The following UQCRC2 variants were observed in gnomAD, a reference collection of about 807,000 sequenced individuals.
The protein encoded by UQCRC2 is ubiquinol-cytochrome c reductase core protein 2.
Under a neutral mutation model 55.6 loss-of-function variants are expected in UQCRC2, and 49 were observed. The observed-to-expected ratio is 0.88, with a 90% CI of 0.70 to 1.12. The LOEUF is 1.12. Ranked by LOEUF, UQCRC2 falls within the 50% of genes most tolerant of loss-of-function variation. UQCRC2 has a pLI of 0.00. For synonymous variants in UQCRC2, 193 were observed against 192.0 expected (o/e 1.01, Z -0.04); for missense variants, 506 against 547.8 (o/e 0.92, Z 0.76).
intron 1 of UQCRC2, among the ~76,000 whole-genome samples, chr16:21,955,986 C>A (rs8049791): frequency 2.6e-5 from 4 of 151,950 alleles, no homozygotes; most frequent in Admixed American, 2.6e-4. Flanking sequence ...TCACCACGCC[C>A]CGCTTATTTT....
rs1409282839 is a variant in UQCRC2 at position 21,973,889 on chromosome 16, C to T, written c.967-7C>T. 11 of 1,612,140 alleles carry T rather than the reference C, an allele frequency of 6.8e-6. No individual in the cohort carries two copies. Among genetic ancestry groups the T allele is most frequent in the Non-Finnish European group, 6.8e-6 (8 of 1,178,984 alleles). On this transcript the variant is annotated splice_polypyrimidine_tract_variant and splice_region_variant and intron_variant, in intron 10 of 13. Transcript: ENST00000268379. ...ATATCATACAGTAAAGTCTCATTAT[C>T]TTTCAGGTTTCTGCATTTAATGCCA...
chr16:21,971,655 G>A (rs192560484), intron 9 of UQCRC2, 35 bp downstream of exon 9: 1 of 1,598,380 alleles, frequency 6.3e-7, no homozygotes, highest in African/African-American at 1.3e-5. Context: ...TAATTTATCA[G>A]AAGGGCGTTT....
intron 12 of UQCRC2, chr16:21,980,264 A>T: frequency 3.0e-6 from 1 of 329,852 alleles, no homozygotes; most frequent in Non-Finnish European, 5.7e-6. Flanking sequence ...CAGCTGTCTC[A>T]CTCAAATCTG....
At chr16:21,980,478 C>T (rs906450250) in intron 12 of UQCRC2, 69 bp from the exon 13 acceptor site, 14 of 1,545,072 alleles carry the variant, frequency 9.1e-6, no homozygotes, top group African/African-American at 8.3e-5. Context: ...CACAGCCCCC[C>T]GCCACCACTC....
At chr16:21,960,644 T>C (rs1488252216) in intron 4 of UQCRC2, among the ~76,000 whole-genome samples, 1 of 152,174 alleles carries the variant, frequency 6.6e-6, no homozygotes, top group South Asian at 2.1e-4. Flanking sequence ...TTCTAGCTTC[T>C]GATTTAAAGT....
intron 13 of UQCRC2, among the ~76,000 whole-genome samples, chr16:21,982,309 A>C (rs1251782462): frequency 6.6e-6 from 1 of 152,126 alleles, no homozygotes; most frequent in Non-Finnish European, 1.5e-5. Context: ...ACTACACTTA[A>C]CCAGCCTTTG....
intron 6 of UQCRC2, among the ~76,000 whole-genome samples, chr16:21,963,542 C>T (rs1898254382): frequency 6.6e-6 from 1 of 152,098 alleles, no homozygotes; most frequent in Non-Finnish European, 1.5e-5. Context: ...AATCTCACTG[C>T]AGCCTGAACC....
intron 3 of UQCRC2, 147 bp from the exon 4 acceptor site, chr16:21,958,388 C>T: frequency 2.8e-6 from 2 of 712,696 alleles, no homozygotes; most frequent in Non-Finnish European, 4.8e-6. Flanking sequence ...TTTTGTTGAG[C>T]CTTGTTTTAT....
At chr16:21,972,167 C>T (rs1451999430) in intron 10 of UQCRC2, 45 bp downstream of exon 10, 5 of 1,565,500 alleles carry the variant, frequency 3.2e-6, no homozygotes, top group Non-Finnish European at 4.3e-6. Context: ...TTCAAAGGCT[C>T]AGTATTTAAG....
intron 1 of UQCRC2, among the ~76,000 whole-genome samples, chr16:21,955,038 G>A (rs1240627470): frequency 1.6e-5 from 2 of 122,336 alleles, no homozygotes; most frequent in Non-Finnish European, 3.2e-5. Context: ...CTAGACGACA[G>A]AGCGAGACTC....
intron 4 of UQCRC2, chr16:21,959,779 TC>T (rs1260985122): frequency 1.3e-5 from 2 of 152,228 alleles, no homozygotes; most frequent in Non-Finnish European, 2.9e-5. Context: ...TACTCCTTGA[TC>T]CATGGGGTGC....
chr16:21,953,569 C>T (rs912187497), intron 1 of UQCRC2, 113 bp downstream of exon 1: 3 of 1,358,526 alleles, frequency 2.2e-6, no homozygotes, highest in Middle Eastern at 2.5e-4. Context: ...GTCTGCCCTT[C>T]AGCTGAACCC....
intron 13 of UQCRC2, 73 bp from the exon 14 acceptor site, chr16:21,983,015 A>AAAATAAGT: frequency 7.0e-7 from 1 of 1,429,566 alleles, no homozygotes. Flanking sequence ...TTGAAATGAC[A>AAAATAAGT]AAATAAGTTC....
In UQCRC2 at chr16:21,973,911, G is replaced by A; in HGVS notation, c.982G>A (p.Ala328Thr). The change falls in exon 11 of 14, where the codon GCC (alanine) becomes ACC (threonine). Residue 328 changes from alanine (A) to threonine (T), a missense_variant. Ala to Thr is a moderately conservative substitution (Grantham distance 58). Coordinates refer to ENST00000268379, the MANE Select transcript of UQCRC2 (RefSeq NM_003366.4). The part of the protein sequence containing the change: ...QQPFDVSAFN[A>T]SYSDSGLFGI... ...TATCTTTCAGGTTTCTGCATTTAAT[G>A]CCAGTTACTCAGATTCTGGACTCTT... 3.1e-6 allele frequency: 5 copies of A among 1,612,820 alleles called. No homozygotes were observed. Among genetic ancestry groups the A allele is most frequent in the Non-Finnish European group, 3.4e-6 (4 of 1,179,518 alleles).
chr16:21,982,945 C>G, intron 13 of UQCRC2, 143 bp from the exon 14 acceptor site: 1 of 716,100 alleles, frequency 1.4e-6, no homozygotes, highest in Non-Finnish European at 2.2e-6. Context: ...CACTGGGTGA[C>G]AGAGCGAGAC....
intron 11 of UQCRC2, among the ~76,000 whole-genome samples, chr16:21,975,039 A>G (rs960935480): frequency 2.0e-5 from 3 of 152,240 alleles, no homozygotes; most frequent in Non-Finnish European, 2.9e-5. Context: ...ACAAATTCAT[A>G]GTACAGTCAG....
chr16:21,968,333 G>C (rs1898377015), intron 7 of UQCRC2: 2 of 204,376 alleles, frequency 9.8e-6, no homozygotes, highest in Non-Finnish European at 1.9e-5. Context: ...TAACAGCTTT[G>C]TTGAGATGTA....
Position 21,973,967 on chromosome 16 carries a change from T to G in UQCRC2, c.1038T>G (p.Ala346=), listed in dbSNP as rs1009260590. 3 of 1,607,932 alleles carry G rather than the reference T, an allele frequency of 1.9e-6. No homozygotes were observed. The highest frequency in any genetic ancestry group is 2.5e-6 in the Non-Finnish European group (3 of 1,178,604). Residue 346 remains alanine (A), a synonymous_variant, in exon 11 of 14, where the codon GCT becomes GCG. Coordinates refer to ENST00000268379, the MANE Select transcript of UQCRC2 (RefSeq NM_003366.4). ...FGIYTISQAT[A]AGDVIKAAYN... is the part of the protein sequence containing the mutation. Reference sequence around the variant, plus strand: ...TTTATACTATCTCCCAGGCCACAGCTGCTGGAGATGTAAGTTGCAAACTCA... The same window carrying G: ...TTTATACTATCTCCCAGGCCACAGCGGCTGGAGATGTAAGTTGCAAACTCA...
chr16:21,958,666 C>G (rs2141927595), intron 4 of UQCRC2, 67 bp downstream of exon 4: 1 of 1,408,516 alleles, frequency 7.1e-7, no homozygotes. Flanking sequence ...GGGAACTTTT[C>G]TCTGTTATCA....
Sources: allele counts gnomAD v4.1 joint callset (sites outside exome capture counted in the v4.1 genomes callset), GRCh38; gene constraint gnomAD v4.1.1; transcripts MANE v1.5; gene names NCBI Gene and HGNC (gene_info 2026-07-23, HGNC 2026-07-21).